FARSB: variants seen among roughly 807,000 people sequenced by gnomAD.
FARSB encodes the protein phenylalanyl-tRNA synthetase subunit beta, also known as phenylalanine--tRNA ligase beta subunit.
Under a neutral mutation model 69.6 loss-of-function variants are expected in FARSB, and 40 were observed. The ratio of observed to expected loss-of-function variants is 0.57; its 90% CI spans 0.45 to 0.75. FARSB has a LOEUF of 0.75. Ranked by LOEUF, FARSB falls within the 30% of genes least tolerant of loss-of-function variation. The probability of loss-of-function intolerance (pLI) is 0.00; values close to 1 mark genes in which losing one functional copy is unlikely to be tolerated. For synonymous variants in FARSB, 235 were observed against 247.2 expected (o/e 0.95, Z 0.46); for missense variants, 632 against 722.9 (o/e 0.87, Z 1.44).
chr2:222,641,949 AC>A (rs1334080395), intron 3 of FARSB, among the ~76,000 whole-genome samples: 14 of 152,248 alleles, frequency 9.2e-5, no homozygotes, highest in Admixed American at 3.9e-4. Context: ...AAAAATAAAA[AC>A]AATTTTTAAT....
chr2:222,603,692 TTA>T lies in FARSB; in HGVS notation c.1463-3611_1463-3610del, dbSNP rs200196874. On this transcript the variant is annotated intron_variant, in intron 15 of 16. Coordinates refer to ENST00000281828, the MANE Select transcript of FARSB (RefSeq NM_005687.5). ...ATAATTAATATTATATTATATATTATTATATATATTAGATAATAATAATAAAT... is the reference window on the plus strand; with the variant it reads ...ATAATTAATATTATATTATATATTATTATATATTAGATAATAATAATAAAT... Among the ~76,000 whole-genome samples the T allele has an allele frequency of 7.9e-3, 1,163 of 146,966 alleles. 14 individuals are homozygous for T. The highest frequency in any genetic ancestry group is 0.028 in the African/African-American group (1,119 of 40,462).
chr2:222,642,751 A>T, intron 3 of FARSB, 100 bp downstream of exon 3: 2 of 872,436 alleles, frequency 2.3e-6, no homozygotes, highest in Non-Finnish European at 3.5e-6. Context: ...ACGTTCCTCT[A>T]CAAGCTTTTT....
rs776125948 is a variant in FARSB, at chr2:222,623,653, G to A, written c.1248C>T (p.Ala416=). 2 of 1,583,362 alleles carry A rather than the reference G, an allele frequency of 1.3e-6. No individual in the cohort carries two copies. Among genetic ancestry groups the A allele is most frequent in the Non-Finnish European group, 1.7e-6 (2 of 1,152,032 alleles). The change falls in exon 13 of 17, where the codon GCC becomes GCT. Residue 416 remains alanine (A), a synonymous_variant. Coordinates refer to ENST00000281828, the MANE Select transcript of FARSB (RefSeq NM_005687.5). The stretch of plus-strand genomic sequence containing the variant: ...AGAAAAAGCATGTAAGACATACCAG[G>A]GCAAAGGTAAGTGCTTCAGTGAAGC... The part of the protein sequence containing the change: ...AAGFTEALTF[A]LCSQEDIADK...
chr2:222,603,436 G>A (rs1034438375), intron 15 of FARSB, among the ~76,000 whole-genome samples: 7 of 151,824 alleles, frequency 4.6e-5, no homozygotes, highest in African/African-American at 7.2e-5. Flanking sequence ...GGAGGAAAAC[G>A]AAAACTAACA....
chr2:222,619,734 A>T lies in FARSB; in HGVS notation c.1255T>A (p.Ser419Thr). 1 of 1,548,910 alleles carries T rather than the reference A, an allele frequency of 6.5e-7. No individual in the cohort carries two copies. The highest frequency in any genetic ancestry group is 8.9e-7 in the Non-Finnish European group (1 of 1,121,890). ...FTEALTFALC[S>T]QEDIADKLGV... Reference sequence around the variant, plus strand: ...AGTTTATCAGCAATATCTTCTTGGGAGCACTGTGAAGTACACACAAAACAG... The same window carrying T: ...AGTTTATCAGCAATATCTTCTTGGGTGCACTGTGAAGTACACACAAAACAG... The change falls in exon 14 of 17, where the codon TCC becomes ACC. Residue 419 changes from serine to threonine, a missense_variant. By Grantham distance (58) the Ser-to-Thr change is moderately conservative. Coordinates refer to ENST00000281828, the MANE Select transcript of FARSB (RefSeq NM_005687.5).
At chr2:222,636,149 G>C (rs550980807) in intron 5 of FARSB, among the ~76,000 whole-genome samples, 1 of 151,704 alleles carries the variant, frequency 6.6e-6, no homozygotes, top group African/African-American at 2.4e-5. Flanking sequence ...GCTCATGCCT[G>C]TAATCCCAGC....
At chr2:222,640,538 C>T (rs1691694002) in intron 4 of FARSB, among the ~76,000 whole-genome samples, 1 of 149,694 alleles carries the variant, frequency 6.7e-6, no homozygotes, top group Non-Finnish European at 1.5e-5. Flanking sequence ...GGGGAAGTAT[C>T]CTTTGAGCTC....
At chr2:222,643,741 A>G (rs1399599780) in intron 2 of FARSB, among the ~76,000 whole-genome samples, 2 of 152,228 alleles carry the variant, frequency 1.3e-5, no homozygotes, top group Non-Finnish European at 2.9e-5. Flanking sequence ...GTGATAGCAA[A>G]GGGATAGTGC....
intron 1 of FARSB, among the ~76,000 whole-genome samples, chr2:222,653,600 T>C (rs1387167655): frequency 6.6e-6 from 1 of 151,746 alleles, no homozygotes; most frequent in African/African-American, 2.4e-5. Context: ...AAAGTACATC[T>C]CAATAAATAA....
chr2:222,602,773 C>T (rs1261388342), intron 15 of FARSB, among the ~76,000 whole-genome samples: 4 of 151,994 alleles, frequency 2.6e-5, no homozygotes, highest in African/African-American at 7.2e-5. Flanking sequence ...TATGAAAGAA[C>T]GTGGTGTATC....
intron 15 of FARSB, among the ~76,000 whole-genome samples, chr2:222,609,283 TC>T (rs1164371475): frequency 2.0e-5 from 3 of 152,218 alleles, no homozygotes; most frequent in African/African-American, 7.2e-5. Context: ...CACAATTAGG[TC>T]CTTTGTTCCC....
chr2:222,619,774 G>A (rs1691095030), intron 13 of FARSB, 37 bp from the exon 14 acceptor site: 4 of 1,137,428 alleles, frequency 3.5e-6, no homozygotes, highest in Non-Finnish European at 5.3e-6. Context: ...ATATGGAAAA[G>A]CAATTACTTA....
In FARSB at chr2:222,642,919, G is replaced by C. The variant is rs369160564; in HGVS notation, c.201C>G (p.Val67=). The change falls in exon 3 of 17, where the codon GTC becomes GTG. Residue 67 remains valine (V), a synonymous_variant. Transcript: ENST00000281828. ...ASDVVLYKID[V]PANRYDLLCL... ...ACAGGAGATCATATCTATTGGCAGG[G>C]ACGTCAATTTTGTAAAGAACAACAT... 1.9e-6 allele frequency: 3 copies of C among 1,612,664 alleles called. No homozygotes were observed. Among genetic ancestry groups the C allele is most frequent in the African/African-American group, 2.7e-5 (2 of 75,022 alleles).
At chr2:222,623,559 T>C in intron 13 of FARSB, 91 bp downstream of exon 13, 1 of 825,292 alleles carries the variant, frequency 1.2e-6, no homozygotes, top group Admixed American at 1.8e-5. Context: ...ACAGTCTAGA[T>C]TTTATAAATT....
chr2:222,639,200 C>T (rs1224539327), intron 5 of FARSB, among the ~76,000 whole-genome samples: 2 of 152,180 alleles, frequency 1.3e-5, no homozygotes, highest in African/African-American at 2.4e-5. Flanking sequence ...TATCATACTT[C>T]ATTAACACGG....
intron 8 of FARSB, 152 bp from the exon 9 acceptor site, chr2:222,630,326 TA>T: frequency 1.9e-6 from 1 of 517,466 alleles, no homozygotes; most frequent in Admixed American, 4.2e-5. Context: ...AAAACATGAG[TA>T]GGCCTAGCCT....
intron 5 of FARSB, among the ~76,000 whole-genome samples, chr2:222,637,376 A>C (rs1324869839): frequency 1.3e-5 from 2 of 151,884 alleles, no homozygotes; most frequent in African/African-American, 4.8e-5. Context: ...AGAGTCCCAG[A>C]GAAAACCAGA....
chr2:222,624,846 C>A (rs1691227694), intron 10 of FARSB, 71 bp from the exon 11 acceptor site: 4 of 894,432 alleles, frequency 4.5e-6, no homozygotes. Context: ...TTCCATTAGT[C>A]ATTATTGCAG....
chr2:222,633,514 C>T lies in FARSB; in HGVS notation c.607-207G>A, dbSNP rs192501670. Reference sequence around the variant, plus strand: ...CCTGACCAACATGGAGAAACCCCATCTCAACTAAAAATACAAAATTAGCCA... The same window carrying T: ...CCTGACCAACATGGAGAAACCCCATTTCAACTAAAAATACAAAATTAGCCA... On this transcript the variant is annotated intron_variant, in intron 6 of 16. Coordinates refer to ENST00000281828, the MANE Select transcript of FARSB (RefSeq NM_005687.5). Among the ~76,000 whole-genome samples the T allele has an allele frequency of 9.5e-4, 144 of 151,478 alleles. 1 individual carries two copies. In the Middle Eastern group the frequency reaches 0.01, roughly 11 times the overall value.
Sources: gnomAD v4.1 joint callset for allele counts (sites outside exome capture counted in the v4.1 genomes callset) on GRCh38, gnomAD v4.1.1 for gene constraint, MANE v1.5 for transcripts, NCBI Gene and HGNC (gene_info 2026-07-23, HGNC 2026-07-21) for gene names.